The following ABCB1 variants were observed in gnomAD, a reference collection of about 807,000 sequenced individuals.
ABCB1 encodes the protein ATP-dependent translocase ABCB1.
ABCB1 carries 69 observed loss-of-function variants against 142.0 expected under a neutral mutation model. That is an observed-to-expected ratio of 0.49 (90% confidence interval 0.40 to 0.59). ABCB1 has a LOEUF of 0.59. ABCB1 is among the 20% of genes least tolerant of loss of function. ABCB1 has a pLI of 0.00. For missense variants in ABCB1, 1,326 were observed against 1,554.7 expected (o/e 0.85, Z 2.47); for synonymous variants, 532 against 539.2 (o/e 0.99, Z 0.18).
At chr7:87,677,499 A>G (rs925399370) in intron 1 of ABCB1, among the ~76,000 whole-genome samples, 1 of 152,112 alleles carries the variant, frequency 6.6e-6, no homozygotes, top group Non-Finnish European at 1.5e-5. Flanking sequence ...AGAGAGTAAA[A>G]TGTTGATTAC....
At position 87,537,590 on chromosome 7, in the gene ABCB1, G is replaced by A. The variant is rs28381949; in HGVS notation, c.2398-1049C>T. Among the ~76,000 whole-genome samples, 10 of 152,138 alleles carry A rather than the reference G, an allele frequency of 6.6e-5. No homozygotes were observed. The East Asian group carries it at 1.9e-3, about 29-fold the overall frequency. On this transcript the variant is annotated intron_variant, in intron 19 of 27. Coordinates refer to ENST00000622132, the MANE Select transcript of ABCB1 (RefSeq NM_001348946.2). ...GGTAAGGAATAAGGCTGGTGGGGAGGGGAAGAGTCAAAAGCTCCATTTTGG... is the reference window on the plus strand; with the variant it reads ...GGTAAGGAATAAGGCTGGTGGGGAGAGGAAGAGTCAAAAGCTCCATTTTGG...
chr7:87,653,356 G>C (rs894353873), intron 1 of ABCB1, among the ~76,000 whole-genome samples: 5 of 152,184 alleles, frequency 3.3e-5, no homozygotes, highest in South Asian at 4.1e-4. Flanking sequence ...GGAGAAGTTA[G>C]GCATTTTGCC....
chr7:87,655,338 G>A (rs1823988760), intron 1 of ABCB1, among the ~76,000 whole-genome samples: 1 of 151,968 alleles, frequency 6.6e-6, no homozygotes, highest in East Asian at 1.9e-4. Flanking sequence ...ATCTACTGAT[G>A]AGTCGATAAA....
chr7:87,674,155 G>A lies in ABCB1; in HGVS notation c.-331+39006C>T, dbSNP rs184871854. On this transcript the variant is annotated intron_variant, in intron 1 of 28. Transcript: ENST00000265724. ...GTGGTACCGGCCAAACCACTTCATC[G>A]AGGTGGTGGCAGTGGGATTCATGCT... is the stretch of plus-strand genomic sequence containing the variant. 8.5e-4 allele frequency among the ~76,000 whole-genome samples: 130 copies of A among 152,308 alleles called. 1 individual carries two copies. Among genetic ancestry groups the A allele is most frequent in the Non-Finnish European group, 7.5e-4 (51 of 68,022 alleles).
chr7:87,711,558 T>C (rs1423784560), intron 1 of ABCB1, among the ~76,000 whole-genome samples: 2 of 152,146 alleles, frequency 1.3e-5, no homozygotes, highest in Non-Finnish European at 2.9e-5. Flanking sequence ...GATCTTTATT[T>C]GTAAAGCCAC....
chr7:87,503,219 T>G lies in ABCB1; in HGVS notation c.*1024A>C, dbSNP rs956164258. Among the ~76,000 whole-genome samples the G allele has an allele frequency of 1.6e-4, 25 of 152,204 alleles. No homozygotes were observed. The highest frequency in any genetic ancestry group is 2.4e-4 in the Non-Finnish European group (16 of 67,970). ...CTTTTTTTTATTTTTAGAAGTTGCT[T>G]ATTTAAGATAGCAATTGTTTATAGT... On this transcript the variant is annotated 3_prime_UTR_variant, in exon 28 of 28. Transcript: ENST00000622132.
Position 87,610,396 on chromosome 7 carries a change from C to CTT in ABCB1, c.-330-9320_-330-9319dup, listed in dbSNP as rs766581770. 7.9e-4 allele frequency among the ~76,000 whole-genome samples: 58 copies of CTT among 73,800 alleles called. 8 individuals are homozygous for CTT. Among genetic ancestry groups the CTT allele is most frequent in the African/African-American group, 3.7e-3 (48 of 12,850 alleles). The allele number at this position is 73,800 out of a possible 152,430, so 48.4% of individuals were successfully genotyped here. ...GGGACTACATACTACCACACCTGGC[C>CTT]TTTTTTTTTTTTTTTTTTTTTTTTT... On this transcript the variant is annotated intron_variant, in intron 1 of 28. Transcript: ENST00000265724.
intron 1 of ABCB1, among the ~76,000 whole-genome samples, chr7:87,643,821 C>T (rs1822698813): frequency 6.6e-6 from 1 of 151,974 alleles, no homozygotes; most frequent in Non-Finnish European, 1.5e-5. Flanking sequence ...GCCACCACGC[C>T]CGGCCAAGAA....
At chr7:87,604,034 C>A (rs1482527664), upstream of ABCB1, among the ~76,000 whole-genome samples, 2 of 152,190 alleles carry the variant, frequency 1.3e-5, no homozygotes, top group African/African-American at 4.8e-5. Flanking sequence ...GTAGTCACAT[C>A]TATGTATCCA....
intron 5 of ABCB1, 72 bp from the exon 6 acceptor site, chr7:87,567,048 C>A: frequency 1.4e-6 from 2 of 1,443,598 alleles, no homozygotes; most frequent in Admixed American, 3.4e-5. Context: ...AGAGACCACT[C>A]ATTCCTATTT....
At chr7:87,708,711 G>T (rs1829817371) in intron 1 of ABCB1, among the ~76,000 whole-genome samples, 1 of 152,058 alleles carries the variant, frequency 6.6e-6, no homozygotes, top group Non-Finnish European at 1.5e-5. Flanking sequence ...GAGTGTATAG[G>T]TATTAACATA....
chr7:87,711,426 C>A (rs1270230669), intron 1 of ABCB1, among the ~76,000 whole-genome samples: 1 of 151,702 alleles, frequency 6.6e-6, no homozygotes, highest in African/African-American at 2.4e-5. Context: ...CATTGTTTTT[C>A]TTGGATTGTA....
intron 1 of ABCB1, among the ~76,000 whole-genome samples, chr7:87,674,317 C>T (rs574475809): frequency 6.6e-6 from 1 of 152,196 alleles, no homozygotes; most frequent in East Asian, 1.9e-4. Flanking sequence ...GTACTGGCAT[C>T]CATGCATGCT....
At chr7:87,631,321 T>C (rs1432102535) in intron 1 of ABCB1, among the ~76,000 whole-genome samples, 1 of 152,244 alleles carries the variant, frequency 6.6e-6, no homozygotes, top group Non-Finnish European at 1.5e-5. Flanking sequence ...CATTTATTGC[T>C]AGTTTACTTT....
intron 5 of ABCB1, among the ~76,000 whole-genome samples, chr7:87,569,842 C>A (rs1308907824): frequency 2.6e-5 from 4 of 152,050 alleles, no homozygotes; most frequent in Non-Finnish European, 4.4e-5. Context: ...TATGTGCCAC[C>A]ACACCTGGCA....
rs1308529308 is a variant in ABCB1, at chr7:87,550,757, C to T, written c.1081G>A (p.Ala361Thr). 1.7e-5 allele frequency: 28 copies of T among 1,613,510 alleles called. No individual in the cohort carries two copies. Among genetic ancestry groups the T allele is most frequent in the South Asian group, 2.2e-5 (2 of 91,076 alleles). The change falls in exon 10 of 28, where the codon GCA (alanine) becomes ACA (threonine). Residue 361 changes from alanine to threonine, a missense_variant. Physicochemically the swap from Ala to Thr is moderately conservative, Grantham distance 58 (BLOSUM62 0). Transcript: ENST00000622132. ...SIEAFANARG[A>T]AYEIFKIIDN... ...ATTATCTTGAAGATTTCATAAGCTG[C>T]TCCTCTTGCATTTGCAAATGCTTCA...
chr7:87,542,966 A>G (rs918911214), intron 17 of ABCB1, among the ~76,000 whole-genome samples: 1 of 152,192 alleles, frequency 6.6e-6, no homozygotes, highest in East Asian at 1.9e-4. Context: ...CAGACATTTG[A>G]TCACATTCTC....
At chr7:87,610,232 CTTTTTTTTTT>C (rs914468581) in intron 1 of ABCB1, among the ~76,000 whole-genome samples, 9 of 117,040 alleles carry the variant, frequency 7.7e-5, no homozygotes, top group East Asian at 4.8e-4. Context: ...CTTTTTCTTT[CTTTTTTTTTT>C]TTTTTTTTTT....
chr7:87,594,866 A>G (rs1584910288), intron 3 of ABCB1, among the ~76,000 whole-genome samples: 1 of 152,118 alleles, frequency 6.6e-6, no homozygotes, highest in African/African-American at 2.4e-5. Context: ...TTGCAAGACA[A>G]TCTATCCACT....
Sources: allele counts gnomAD v4.1 joint callset (sites outside exome capture counted in the v4.1 genomes callset), GRCh38; gene constraint gnomAD v4.1.1; transcripts MANE v1.5; gene names NCBI Gene and HGNC (gene_info 2026-07-23, HGNC 2026-07-21).